The following RBMX variants were observed in gnomAD, a reference collection of about 807,000 sequenced individuals.
RBMX encodes RNA binding motif protein X-linked.
In RBMX, 1 loss-of-function variant was observed where a neutral mutation model predicts 29.3. The ratio of observed to expected loss-of-function variants is 0.03; its 90% CI spans 0.01 to 0.16. The LOEUF (loss-of-function observed/expected upper bound fraction) is 0.16. Among genes scored for constraint, RBMX ranks in the 10% least tolerant of loss-of-function variants. The pLI is 1.00. For missense variants in RBMX, 121 were observed against 333.2 expected (o/e 0.36, Z 4.96); for synonymous variants, 102 against 102.3 (o/e 1.00, Z 0.02).
Position 136,874,363 on chromosome X carries a change from C to G in RBMX, c.955G>C (p.Gly319Arg). Reference protein sequence around the residue: ...RYDDYSSSRDGYGGSRDSYSS... With the variant: ...RYDDYSSSRDRYGGSRDSYSS... Reference sequence around the variant, plus strand: ...TAACTGTCTCGACTTCCACCATATCCGTCACGTGAGCTGCTGTAATCATCA... The same window carrying G: ...TAACTGTCTCGACTTCCACCATATCGGTCACGTGAGCTGCTGTAATCATCA... The change falls in exon 9 of 9, where the codon GGA (glycine) becomes CGA (arginine). Residue 319 changes from glycine to arginine, a missense_variant. Physicochemically the swap from Gly to Arg is moderately radical, Grantham distance 125. Transcript: ENST00000320676. 1 of 1,212,868 alleles carries G rather than the reference C, an allele frequency of 8.2e-7. No individual in the cohort carries two copies. Among genetic ancestry groups the G allele is most frequent in the Non-Finnish European group, 1.1e-6 (1 of 895,668 alleles).
chrX:136,876,688 A>G (rs1182310984), intron 4 of RBMX, 33 bp from the exon 5 acceptor site: 11 of 1,077,219 alleles, frequency 1.0e-5, no homozygotes, highest in Non-Finnish European at 1.4e-5. Flanking sequence ...AAATATTACT[A>G]CTCACAAGAA....
chrX:136,871,022 GA>G (rs1427360287), downstream of RBMX, among the ~76,000 whole-genome samples: 1 of 107,816 alleles, frequency 9.3e-6, no homozygotes, highest in Non-Finnish European at 1.9e-5. Flanking sequence ...GCTGAGGCAG[GA>G]AAATCACTTG....
At chrX:136,870,539 G>T (rs780130592), downstream of RBMX, 1 of 111,565 alleles carries the variant, frequency 9.0e-6, no homozygotes, top group Non-Finnish European at 1.9e-5. Context: ...AAAAGTAACT[G>T]CTTTAAAAAG....
rs1193067971 is a variant in RBMX, at chrX:136,875,558, T to C, written c.569A>G (p.Tyr190Cys). Residue 190 changes from tyrosine (Y) to cysteine (C), a missense_variant, in exon 6 of 9, where the codon TAT becomes TGT. Tyr to Cys is a radical substitution (Grantham distance 194, BLOSUM62 -2). Coordinates refer to ENST00000320676, the MANE Select transcript of RBMX (RefSeq NM_002139.4). ...CGGTTCCCTTCGAGGTGGACCTCCA[T>C]AACTATCTCTTCCACGTGATACAGG... ...RAPVSRGRDS[Y>C]GGPPRREPLP... is the part of the protein sequence containing the mutation. The C allele has an allele frequency of 8.3e-7, 1 of 1,211,269 alleles. No individual in the cohort carries two copies. The highest frequency in any genetic ancestry group is 2.2e-5 in the Admixed American group (1 of 45,864).
chrX:136,874,968 CCCCTTTAAAAGCAAGCAAACAT>C (rs1204962487), intron 8 of RBMX, 96 bp downstream of exon 8: 7 of 1,090,243 alleles, frequency 6.4e-6, no homozygotes, highest in Non-Finnish European at 7.2e-6. Context: ...GATAAAGTTA[CCCCTTTAAAAGCAAGCAAACAT>C]CCCTTTAAAA....
rs764738094 is a variant in RBMX at position 136,879,311 on chromosome X, C to G, written c.109+8G>C. ...TAATAGCCCAGCCTGTACTGCCAGA[C>G]AACTCACCTTCCACTATTCGTCCAT... On this transcript the variant is annotated splice_region_variant and intron_variant, in intron 2 of 8. Transcript: ENST00000320676. 8 of 1,210,300 alleles carry G rather than the reference C, an allele frequency of 6.6e-6. No homozygotes were observed. Among genetic ancestry groups the G allele is most frequent in the Non-Finnish European group, 7.8e-6 (7 of 894,300 alleles).
intron 4 of RBMX, among the ~76,000 whole-genome samples, chrX:136,877,582 C>T (rs2077747511): frequency 9.3e-6 from 1 of 108,053 alleles, no homozygotes; most frequent in Non-Finnish European, 1.9e-5. Flanking sequence ...TCCGTAGTAG[C>T]TGGGATTACA....
intron 1 of RBMX, 65 bp from the exon 2 acceptor site, chrX:136,879,518 T>C: frequency 3.4e-6 from 3 of 872,430 alleles, no homozygotes; most frequent in Non-Finnish European, 4.9e-6. Flanking sequence ...ACACTTTTAC[T>C]TTCGCACATT....
downstream of RBMX, among the ~76,000 whole-genome samples, chrX:136,871,185 G>A (rs867663736): frequency 6.4e-5 from 7 of 108,710 alleles, no homozygotes; most frequent in Middle Eastern, 4.8e-3. Context: ...GGTGGCTCAT[G>A]CCTATAATCC....
downstream of RBMX, among the ~76,000 whole-genome samples, chrX:136,872,060 G>T (rs1183574149): frequency 9.0e-6 from 1 of 111,490 alleles, no homozygotes; most frequent in Non-Finnish European, 1.9e-5. Context: ...TCATGAATGA[G>T]CCAGACTCAC....
downstream of RBMX, among the ~76,000 whole-genome samples, chrX:136,871,123 A>G (rs187525061): frequency 7.0e-5 from 7 of 99,822 alleles, no homozygotes; most frequent in East Asian, 6.1e-4. Context: ...AGAAGAGAAG[A>G]AAAAAAAAAA....
At chrX:136,870,818 A>C (rs775180275), downstream of RBMX, among the ~76,000 whole-genome samples, 1 of 108,975 alleles carries the variant, frequency 9.2e-6, no homozygotes, top group African/African-American at 3.3e-5. Context: ...AAAAGAAAAA[A>C]AAAGAAAGCC....
chrX:136,872,638 G>A, downstream of RBMX: 1 of 282,076 alleles, frequency 3.5e-6, no homozygotes. Flanking sequence ...AGGAATAAGT[G>A]CAGTATAAGG....
chrX:136,872,443 GT>G, downstream of RBMX: 1 of 711,617 alleles, frequency 1.4e-6, no homozygotes, highest in Non-Finnish European at 2.1e-6. Context: ...GAAAAGGCAA[GT>G]TCAGACTTGC....
intron 5 of RBMX, among the ~76,000 whole-genome samples, chrX:136,876,112 G>GT (rs1219930728): frequency 1.6e-3 from 142 of 87,710 alleles, no homozygotes; most frequent in Middle Eastern, 5.8e-3. Context: ...CATGAATAAA[G>GT]TTTTTTTTTT....
In RBMX at chrX:136,876,417, T is replaced by TG; in HGVS notation, c.541+85dup. 5 of 1,026,632 alleles carry TG rather than the reference T, an allele frequency of 4.9e-6. No individual in the cohort carries two copies. The Admixed American group carries it at 1.3e-4, about 27-fold the overall frequency. 84.6% of individuals were successfully genotyped at this position (1,026,632 alleles called of 1,213,427 possible). ...GATTACGGGCGTGAGCCACCACGCC[T>TG]GGCCAATTAAAATTTTAAGCATCAT... On this transcript the variant is annotated intron_variant, in intron 5 of 8. Coordinates refer to ENST00000320676, the MANE Select transcript of RBMX (RefSeq NM_002139.4).
At chrX:136,874,485 A>G (rs1569439370) in intron 8 of RBMX, 33 bp from the exon 9 acceptor site, 1 of 1,191,686 alleles carries the variant, frequency 8.4e-7, no homozygotes, top group Non-Finnish European at 1.1e-6. Flanking sequence ...ATATGGCAAC[A>G]CTATAAATTG....
At chrX:136,877,339 C>CG (rs375756185) in intron 4 of RBMX, among the ~76,000 whole-genome samples, 4 of 86,047 alleles carry the variant, frequency 4.6e-5, no homozygotes, top group Non-Finnish European at 7.1e-5. Context: ...CCCCCCCCCC[C>CG]CCAAAAAAAA....
chrX:136,874,955 G>A (rs991557002), intron 8 of RBMX, 131 bp downstream of exon 8: 26 of 1,068,436 alleles, frequency 2.4e-5, no homozygotes, highest in Non-Finnish European at 3.2e-5. Context: ...GAAAAGCCCA[G>A]CTGATAAAGT....
Sources: gnomAD v4.1 joint callset for allele counts (sites outside exome capture counted in the v4.1 genomes callset) on GRCh38, gnomAD v4.1.1 for gene constraint, MANE v1.5 for transcripts, NCBI Gene and HGNC (gene_info 2026-07-23, HGNC 2026-07-21) for gene names.